Variants in CDH10 observed in about 807,000 individuals in gnomAD.
The protein encoded by CDH10 is cadherin 10.
Under a neutral mutation model 73.1 loss-of-function variants are expected in CDH10, and 30 were observed. That is an observed-to-expected ratio of 0.41 (90% CI 0.31 to 0.56). The LOEUF is 0.56. Among genes scored for constraint, CDH10 ranks in the 20% least tolerant of loss-of-function variants. CDH10 has a pLI of 0.27. For missense variants in CDH10, 815 were observed against 973.7 expected, an observed-to-expected ratio of 0.84 and a Z score of 2.17; for synonymous variants, 345 against 348.2, an observed-to-expected ratio of 0.99 and a Z score of 0.10.
At chr5:24,614,557 T>A (rs534907334) in intron 1 of CDH10, among the ~76,000 whole-genome samples, 1 of 152,258 alleles carries the variant, frequency 6.6e-6, no homozygotes, top group South Asian at 2.1e-4. Context: ...ATAAAATGGG[T>A]CAGGGATGAA....
chr5:24,640,226 T>G (rs182492533), intron 1 of CDH10, among the ~76,000 whole-genome samples: 5 of 151,534 alleles, frequency 3.3e-5, no homozygotes, highest in Admixed American at 3.3e-4. Context: ...AGTTTTGTAA[T>G]TGTTTTAAAT....
At chr5:24,511,815 G>A (rs1215689887) in intron 5 of CDH10, among the ~76,000 whole-genome samples, 3 of 152,074 alleles carry the variant, frequency 2.0e-5, no homozygotes, top group African/African-American at 7.2e-5. Flanking sequence ...AAAAAGAAAC[G>A]AGTTCATATC....
rs765438381 is a variant in CDH10, at chr5:24,535,242, T to G, written c.684A>C (p.Glu228Asp). 31 of 1,613,180 alleles carry G rather than the reference T, an allele frequency of 1.9e-5. 1 individual carries two copies. The South Asian group carries it at 3.3e-4, about 17-fold the overall frequency. Reference sequence around the variant, plus strand: ...TGACCACTTGGTATTGCTCTCTGTTTTCTCTGTTCATGTTCGGTAAAGCAG... The same window carrying G: ...TGACCACTTGGTATTGCTCTCTGTTGTCTCTGTTCATGTTCGGTAAAGCAG... ...IRTALPNMNR[E>D]NREQYQVVIQ... The change falls in exon 5 of 12, where the codon GAA becomes GAC. Residue 228 changes from glutamate to aspartate, a missense_variant. By Grantham distance (45) the Glu-to-Asp change is conservative. Around this residue, in one of 3 missense-constraint regions of CDH10, gnomAD observed 516 missense variants for 636.6 expected, o/e 0.81. Coordinates refer to ENST00000264463, the MANE Select transcript of CDH10 (RefSeq NM_006727.5).
At chr5:24,494,915 A>G (rs1260600786) in intron 9 of CDH10, among the ~76,000 whole-genome samples, 1 of 152,142 alleles carries the variant, frequency 6.6e-6, no homozygotes, top group Admixed American at 6.5e-5. Context: ...AGACTTCGCT[A>G]CTGCAGATGG....
intron 2 of CDH10, among the ~76,000 whole-genome samples, chr5:24,576,419 C>T (rs1745599965): frequency 6.6e-6 from 1 of 152,086 alleles, no homozygotes. Flanking sequence ...TAAACCTCTT[C>T]ACCATCTTTT....
chr5:24,546,181 TTGTG>T (rs139727777), intron 2 of CDH10, among the ~76,000 whole-genome samples: 1 of 149,700 alleles, frequency 6.7e-6, no homozygotes, highest in Non-Finnish European at 1.5e-5. Context: ...TTGAAAAAAC[TTGTG>T]TGTGTGTGTG....
intron 2 of CDH10, among the ~76,000 whole-genome samples, chr5:24,539,650 A>G (rs1053343048): frequency 1.3e-5 from 2 of 152,094 alleles, no homozygotes; most frequent in Admixed American, 6.6e-5. Context: ...GGTAACAAAT[A>G]GTTTCTTACT....
At chr5:24,498,623 C>G (rs1490399085) in intron 8 of CDH10, 104 bp from the exon 9 acceptor site, 1 of 690,462 alleles carries the variant, frequency 1.4e-6, no homozygotes, top group East Asian at 2.5e-5. Context: ...TACAAATAAG[C>G]ATTGCAATCA....
chr5:24,588,658 AG>A (rs944458040), intron 2 of CDH10, among the ~76,000 whole-genome samples: 10 of 152,266 alleles, frequency 6.6e-5, no homozygotes, highest in Admixed American at 5.2e-4. Context: ...TATTATCAAA[AG>A]TAAAAGGGAC....
intron 1 of CDH10, among the ~76,000 whole-genome samples, chr5:24,641,076 G>A (rs1226213052): frequency 6.6e-6 from 1 of 151,868 alleles, no homozygotes; most frequent in African/African-American, 2.4e-5. Context: ...TTGACAATAT[G>A]TGTCTACAGT....
At chr5:24,493,810 C>G (rs150732962) in intron 9 of CDH10, among the ~76,000 whole-genome samples, 3 of 151,850 alleles carry the variant, frequency 2.0e-5, no homozygotes, top group African/African-American at 4.8e-5. Context: ...AAGCAATACA[C>G]TTTTTACTGC....
In CDH10 at chr5:24,643,284, C is replaced by T. The variant is rs540306740; in HGVS notation, c.-124+1310G>A. Among the ~76,000 whole-genome samples the T allele has an allele frequency of 7.9e-5, 12 of 152,108 alleles. No homozygotes were observed. The East Asian group carries it at 1.7e-3, about 22-fold the overall frequency. ...TCACTTTTAACTAAAAATGAACATACGGCTCTGTCAATGACATAATGTTTT... is the reference window on the plus strand; with the variant it reads ...TCACTTTTAACTAAAAATGAACATATGGCTCTGTCAATGACATAATGTTTT... On this transcript the variant is annotated intron_variant, in intron 1 of 11. Transcript: ENST00000264463.
chr5:24,523,530 T>C (rs1293597043), intron 5 of CDH10, among the ~76,000 whole-genome samples: 1 of 152,134 alleles, frequency 6.6e-6, no homozygotes, highest in Non-Finnish European at 1.5e-5. Context: ...TTCCATTAAT[T>C]TTACTTTCAT....
At chr5:24,536,228 A>T (rs573504695) in intron 3 of CDH10, among the ~76,000 whole-genome samples, 3 of 152,052 alleles carry the variant, frequency 2.0e-5, no homozygotes, top group African/African-American at 7.2e-5. Context: ...AATAATTAAC[A>T]TCTGCTCTAG....
chr5:24,644,325 C>T (rs886893082), intron 1 of CDH10, among the ~76,000 whole-genome samples: 3 of 152,156 alleles, frequency 2.0e-5, no homozygotes, highest in Admixed American at 6.5e-5. Context: ...AATGAATTCA[C>T]AAACTCTAAT....
intron 1 of CDH10, among the ~76,000 whole-genome samples, chr5:24,593,983 C>T (rs1482492310): frequency 1.3e-5 from 2 of 151,804 alleles, no homozygotes; most frequent in Admixed American, 1.3e-4. Context: ...GAAAACAAAA[C>T]TGATTTAAAT....
intron 9 of CDH10, among the ~76,000 whole-genome samples, chr5:24,496,125 A>G (rs1742280366): frequency 6.6e-6 from 1 of 152,060 alleles, no homozygotes; most frequent in African/African-American, 2.4e-5. Flanking sequence ...TGGTTTCTTA[A>G]AGGCTTAGTT....
chr5:24,558,049 A>C (rs891679394), intron 2 of CDH10, among the ~76,000 whole-genome samples: 1 of 151,808 alleles, frequency 6.6e-6, no homozygotes, highest in African/African-American at 2.4e-5. Context: ...AAGTGATATT[A>C]AGTAAAATAA....
chr5:24,635,257 T>C (rs1253607308), intron 1 of CDH10, among the ~76,000 whole-genome samples: 3 of 151,958 alleles, frequency 2.0e-5, no homozygotes, highest in African/African-American at 7.2e-5. Context: ...ATAATTTCTG[T>C]AATGCACTGC....
Sources: gnomAD v4.1 joint callset for allele counts (sites outside exome capture counted in the v4.1 genomes callset) on GRCh38, gnomAD v4.1.1 for gene constraint, gnomAD v4.1.1 regional missense constraint, MANE v1.5 for transcripts, NCBI Gene and HGNC (gene_info 2026-07-23, HGNC 2026-07-21) for gene names.